ODAD2: variants seen among roughly 807,000 people sequenced by gnomAD.
ODAD2 encodes the protein outer dynein arm-docking complex subunit 2.
A neutral mutation model predicts 106.8 loss-of-function variants in ODAD2; 89 were observed. The ratio of observed to expected loss-of-function variants is 0.83; its 90% confidence interval spans 0.70 to 0.99. The LOEUF (loss-of-function observed/expected upper bound fraction) is 0.99. ODAD2 is among the 50% of genes least tolerant of loss of function. The pLI, the probability that ODAD2 is intolerant of heterozygous loss-of-function variation, is 0.00. For synonymous variants in ODAD2, 404 were observed against 436.2 expected, an observed-to-expected ratio of 0.93 and a Z score of 0.92; for missense variants, 1,168 against 1,238.5, an observed-to-expected ratio of 0.94 and a Z score of 0.85.
intron 17 of ODAD2, among the ~76,000 whole-genome samples, chr10:27,887,811 T>TA (rs895014413): frequency 2.7e-4 from 41 of 151,810 alleles, no homozygotes; most frequent in African/African-American, 7.5e-4. Context: ...CTCAAAAAGA[T>TA]AAAAAAATTC....
rs367592924 is a variant in ODAD2, at chr10:27,816,839, C to T, written c.3022-4214G>A. Among the ~76,000 whole-genome samples, 452 of 152,220 alleles carry T rather than the reference C, an allele frequency of 3.0e-3. 4 individuals carry two copies. The highest frequency in any genetic ancestry group is 0.011 in the African/African-American group (439 of 41,556). ...TCTTGGCTCACTGCAACCTCCGTCC[C>T]CTGGGGTTCAAGTGATTCTCCTGCC... On this transcript the variant is annotated intron_variant, in intron 19 of 19. Transcript: ENST00000305242.
intron 2 of ODAD2, among the ~76,000 whole-genome samples, chr10:27,987,985 A>G (rs1280863126): frequency 4.0e-5 from 6 of 150,750 alleles, no homozygotes; most frequent in Non-Finnish European, 7.4e-5. Context: ...TCTTGGCTAC[A>G]CTGTGTTTAT....
intron 17 of ODAD2, among the ~76,000 whole-genome samples, chr10:27,898,809 T>C (rs1048595929): frequency 1.3e-5 from 2 of 152,160 alleles, no homozygotes; most frequent in Non-Finnish European, 1.5e-5. Context: ...TATAACATAG[T>C]GTGATTCCAG....
In ODAD2 at chr10:27,971,174, C is replaced by T. The variant is rs768447289; in HGVS notation, c.1076G>A (p.Trp359Ter). The change falls in exon 8 of 20, where the codon TGG becomes TAG. Residue 359 changes from tryptophan (W) to a stop codon, truncating the protein, a stop_gained. Transcript: ENST00000305242. LOFTEE classifies it high-confidence loss of function. ...RSLEKNQINF[W>*]RNQMTKRWEP... ...CCATCTCTTGGTCATTTGATTCCTC[C>T]AAAAATTAATTTGGTTCTTCTCCAG... 1.9e-6 allele frequency: 3 copies of T among 1,613,766 alleles called. No individual in the cohort carries two copies. In the South Asian group the frequency reaches 3.3e-5, roughly 18 times the overall value.
At position 27,827,379 on chromosome 10, in the gene ODAD2, C is replaced by CACACTATATATA. The variant is rs1239159370; in HGVS notation, c.3022-14755_3022-14754insTATATATAGTGT. On this transcript the variant is annotated intron_variant, in intron 19 of 19. Transcript: ENST00000305242. Reference sequence around the variant, plus strand: ...AGACACACACATACACACACACACACTATATATATATATATATATATATAT... The same window carrying CACACTATATATA: ...AGACACACACATACACACACACACACACACTATATATATATATATATATATATATATATATAT... Among the ~76,000 whole-genome samples the CACACTATATATA allele has an allele frequency of 2.0e-4, 27 of 132,466 alleles. No individual in the cohort carries two copies. The Admixed American group carries it at 2.1e-3, about 10-fold the overall frequency. 86.9% of individuals were successfully genotyped at this position (132,466 alleles called of 152,430 possible).
At chr10:27,856,960 T>G (rs931527452) in intron 19 of ODAD2, among the ~76,000 whole-genome samples, 4 of 152,164 alleles carry the variant, frequency 2.6e-5, no homozygotes, top group Non-Finnish European at 2.9e-5. Context: ...AGACCGAAAC[T>G]CCGTCCCAAA....
At chr10:27,872,616 T>A (rs907889997) in intron 17 of ODAD2, among the ~76,000 whole-genome samples, 1 of 152,228 alleles carries the variant, frequency 6.6e-6, no homozygotes, top group Non-Finnish European at 1.5e-5. Flanking sequence ...GAGATAATCA[T>A]GTGGTTTTTG....
intron 10 of ODAD2, among the ~76,000 whole-genome samples, chr10:27,956,518 G>A (rs1461617237): frequency 1.3e-5 from 2 of 152,154 alleles, no homozygotes; most frequent in Non-Finnish European, 2.9e-5. Flanking sequence ...CCTAGAGCTG[G>A]TGCCTGGACA....
intron 16 of ODAD2, among the ~76,000 whole-genome samples, chr10:27,929,320 C>A (rs1327831789): frequency 1.3e-5 from 2 of 152,020 alleles, no homozygotes; most frequent in African/African-American, 4.8e-5. Flanking sequence ...TGTTTTGTAC[C>A]ATGTCTATTG....
rs1042139510 is a variant in ODAD2 at position 27,824,009 on chromosome 10, G to A, written c.3022-11384C>T. Among the ~76,000 whole-genome samples the A allele has an allele frequency of 1.7e-4, 24 of 137,406 alleles. 3 individuals carry two copies. Among genetic ancestry groups the A allele is most frequent in the African/African-American group, 4.9e-4 (16 of 32,392 alleles). 90.1% of individuals were successfully genotyped at this position (137,406 alleles called of 152,430 possible). A position where few individuals can be genotyped will look rare whatever the true frequency, so the allele number is the denominator to read the frequency against. ...CAAAAAATTAGCCGGGCGAGGTGGCGGGCGCCTGTAGTCCCAGCTACTCGG... is the reference window on the plus strand; with the variant it reads ...CAAAAAATTAGCCGGGCGAGGTGGCAGGCGCCTGTAGTCCCAGCTACTCGG... On this transcript the variant is annotated intron_variant, in intron 19 of 19. Coordinates refer to ENST00000305242, the MANE Select transcript of ODAD2 (RefSeq NM_018076.5).
intron 19 of ODAD2, among the ~76,000 whole-genome samples, chr10:27,815,835 C>A (rs1361605132): frequency 4.6e-5 from 7 of 152,208 alleles, no homozygotes; most frequent in African/African-American, 1.7e-4. Flanking sequence ...TATCTCCACC[C>A]CAGAAACCTC....
In ODAD2 at chr10:27,832,078, G is replaced by A. The variant is rs190069324; in HGVS notation, c.3022-19453C>T. Reference sequence around the variant, plus strand: ...TGTATCTTCAGGGGCTAACACAGAGGTAACTCAATAAACAGTATTTTGAAG... The same window carrying A: ...TGTATCTTCAGGGGCTAACACAGAGATAACTCAATAAACAGTATTTTGAAG... On this transcript the variant is annotated intron_variant, in intron 19 of 19. Transcript: ENST00000305242. 3.4e-4 allele frequency among the ~76,000 whole-genome samples: 52 copies of A among 152,346 alleles called. 1 individual carries two copies. The highest frequency in any genetic ancestry group is 3.4e-3 in the Admixed American group (52 of 15,302).
chr10:27,902,150 A>T (rs547634416), intron 17 of ODAD2, among the ~76,000 whole-genome samples: 12 of 152,254 alleles, frequency 7.9e-5, no homozygotes, highest in Admixed American at 2.0e-4. Flanking sequence ...GGATTAAGAA[A>T]CTCTCTCAAA....
intron 10 of ODAD2, among the ~76,000 whole-genome samples, chr10:27,947,018 C>T (rs1409510667): frequency 6.6e-6 from 1 of 152,182 alleles, no homozygotes; most frequent in Non-Finnish European, 1.5e-5. Flanking sequence ...CTGTCCTCCA[C>T]ATTCATGATT....
intron 19 of ODAD2, among the ~76,000 whole-genome samples, chr10:27,837,851 A>G (rs1340555160): frequency 6.6e-6 from 1 of 152,194 alleles, no homozygotes; most frequent in Non-Finnish European, 1.5e-5. Context: ...CCTAAAGACA[A>G]TAGTTGTTCT....
intron 18 of ODAD2, among the ~76,000 whole-genome samples, chr10:27,861,546 T>C (rs1385165975): frequency 1.3e-5 from 2 of 152,210 alleles, no homozygotes; most frequent in African/African-American, 4.8e-5. Flanking sequence ...CTGGGATAAG[T>C]GGATTGACTG....
rs184191006 is a variant in ODAD2 at position 27,842,522 on chromosome 10, T to C, written c.3021+18103A>G. Among the ~76,000 whole-genome samples the C allele has an allele frequency of 6.4e-4, 97 of 152,324 alleles. 1 individual carries two copies. The highest frequency in any genetic ancestry group is 2.8e-3 in the Admixed American group (43 of 15,296). On this transcript the variant is annotated intron_variant, in intron 19 of 19. Transcript: ENST00000305242. ...TATATGGGAATGGAGTGGATAACTA[T>C]TTTTCACAAATAGTTATCAATCTTC...
chr10:27,886,027 G>A (rs549108450), intron 17 of ODAD2, among the ~76,000 whole-genome samples: 56 of 147,118 alleles, frequency 3.8e-4, no homozygotes, highest in African/African-American at 1.2e-3. Flanking sequence ...CATGAACACA[G>A]GTCATTTGAA....
At chr10:27,932,410 T>C (rs1433418584) in intron 16 of ODAD2, among the ~76,000 whole-genome samples, 1 of 152,224 alleles carries the variant, frequency 6.6e-6, no homozygotes, top group Non-Finnish European at 1.5e-5. Flanking sequence ...TAAAAATTTC[T>C]AAGTTGAACG....
Sources: allele counts gnomAD v4.1 joint callset (sites outside exome capture counted in the v4.1 genomes callset), GRCh38; gene constraint gnomAD v4.1.1; transcripts MANE v1.5; gene names NCBI Gene and HGNC (gene_info 2026-07-23, HGNC 2026-07-21).